The following TENT2 variants were observed in gnomAD, a reference collection of about 807,000 sequenced individuals.
The protein encoded by TENT2 is poly(A) RNA polymerase GLD2.
In TENT2, 44 loss-of-function variants were observed where a neutral mutation model predicts 72.2. The observed-to-expected ratio is 0.61, with a 90% confidence interval of 0.48 to 0.78. TENT2 has a LOEUF of 0.78. Among genes scored for constraint, TENT2 ranks in the 30% least tolerant of loss-of-function variants. The pLI, the probability that TENT2 is intolerant of heterozygous loss-of-function variation, is 0.00. For synonymous variants in TENT2, 212 were observed against 192.5 expected (o/e 1.10, Z -0.84); for missense variants, 541 against 569.6 (o/e 0.95, Z 0.51).
At chr5:79,646,242 C>T (rs942228470) in intron 8 of TENT2, among the ~76,000 whole-genome samples, 10 of 152,120 alleles carry the variant, frequency 6.6e-5, no homozygotes, top group Admixed American at 6.6e-4. Context: ...AGGTAGGCTT[C>T]GCTCAGGCAT....
At chr5:79,661,836 T>C (rs912072347) in intron 11 of TENT2, among the ~76,000 whole-genome samples, 2 of 152,184 alleles carry the variant, frequency 1.3e-5, no homozygotes, top group African/African-American at 4.8e-5. Context: ...AAAAGATTTC[T>C]CTATAGTGTA....
intron 11 of TENT2, among the ~76,000 whole-genome samples, chr5:79,662,740 A>C (rs1023105086): frequency 9.2e-5 from 14 of 152,148 alleles, no homozygotes; most frequent in Non-Finnish European, 1.6e-4. Context: ...TAAATTTAGC[A>C]TAATTCTTAA....
chr5:79,680,922 C>G (rs1009365280), intron 13 of TENT2, among the ~76,000 whole-genome samples: 1 of 151,880 alleles, frequency 6.6e-6, no homozygotes, highest in Non-Finnish European at 1.5e-5. Context: ...TCTTCAGTTT[C>G]CTCGTACTCT....
At chr5:79,614,381 G>C (rs1757854877) in intron 1 of TENT2, among the ~76,000 whole-genome samples, 1 of 152,106 alleles carries the variant, frequency 6.6e-6, no homozygotes, top group East Asian at 1.9e-4. Flanking sequence ...GGGATTACAG[G>C]CGTGAGCCAC....
At chr5:79,672,679 A>G (rs1228117726) in intron 12 of TENT2, among the ~76,000 whole-genome samples, 1 of 152,232 alleles carries the variant, frequency 6.6e-6, no homozygotes, top group African/African-American at 2.4e-5. Context: ...ATTGTGGATA[A>G]GTACCACCTA....
At chr5:79,653,360 G>T (rs1489900743) in intron 10 of TENT2, among the ~76,000 whole-genome samples, 1 of 151,940 alleles carries the variant, frequency 6.6e-6, no homozygotes, top group Non-Finnish European at 1.5e-5. Context: ...GGGCATGGTG[G>T]CACATATCGT....
intron 4 of TENT2, among the ~76,000 whole-genome samples, chr5:79,636,804 A>G (rs1158160589): frequency 6.6e-5 from 10 of 152,066 alleles, no homozygotes; most frequent in Admixed American, 3.9e-4. Context: ...AATCCTGCAC[A>G]TCTCTTGGTA....
chr5:79,613,155 C>G (rs1041912587), intron 1 of TENT2, 80 bp downstream of exon 1: 3 of 152,210 alleles, frequency 2.0e-5, no homozygotes, highest in Admixed American at 1.3e-4. Context: ...ATTGCTTCAG[C>G]TTTTCACTTT....
intron 4 of TENT2, among the ~76,000 whole-genome samples, chr5:79,623,897 T>G (rs986871734): frequency 3.3e-5 from 5 of 151,782 alleles, no homozygotes; most frequent in Admixed American, 3.3e-4. Flanking sequence ...AATCCAGGAG[T>G]CACTGAGAAA....
chr5:79,680,252 T>A (rs1212989621), intron 13 of TENT2, among the ~76,000 whole-genome samples: 2 of 152,176 alleles, frequency 1.3e-5, no homozygotes, highest in African/African-American at 4.8e-5. Context: ...GAATCAGCAT[T>A]TGTAGAAAAC....
In TENT2 at chr5:79,660,151, G is replaced by A. The variant is rs562159618; in HGVS notation, c.1071+3150G>A. Among the ~76,000 whole-genome samples the A allele has an allele frequency of 2.0e-5, 3 of 151,920 alleles. 1 individual carries two copies. The East Asian group carries it at 5.8e-4, about 29-fold the overall frequency. On this transcript the variant is annotated intron_variant, in intron 11 of 14. Transcript: ENST00000453514. ...AACATTTTAAATATTTTTAAAATTG[G>A]TATATTTCAGTTCAGTTGTGATATG...
chr5:79,656,241 A>ATTAAT (rs10528464), intron 10 of TENT2, among the ~76,000 whole-genome samples: 66,112 of 151,176 alleles, frequency 0.44, 17,530 homozygotes, highest in African/African-American at 0.74. Flanking sequence ...ATTACTGTTA[A>ATTAAT]TTAATGAGAT....
At chr5:79,681,630 GCTTT>G (rs1822024412) in intron 13 of TENT2, 1 of 163,626 alleles carries the variant, frequency 6.1e-6, no homozygotes, top group Non-Finnish European at 1.3e-5. Context: ...TCGATATAAT[GCTTT>G]CTTCTTTTTG....
chr5:79,620,386 A>G (rs943311226), intron 3 of TENT2, among the ~76,000 whole-genome samples: 23 of 152,060 alleles, frequency 1.5e-4, no homozygotes, highest in Admixed American at 2.6e-4. Context: ...CCACTTTTTA[A>G]TTGAGATTTT....
rs1449501653 is a variant in TENT2, at chr5:79,613,044, C to G, written c.-69C>G. The G allele has an allele frequency of 6.6e-6, 1 of 152,154 alleles. No individual in the cohort carries two copies. Among genetic ancestry groups the G allele is most frequent in the Non-Finnish European group, 1.5e-5 (1 of 68,042 alleles). The allele number at this position is 152,154 out of a possible 1,614,324, so 9.4% of individuals were successfully genotyped here. A position where few individuals can be genotyped will look rare whatever the true frequency, so the allele number is the denominator to read the frequency against. On this transcript the variant is annotated 5_prime_UTR_variant, in exon 1 of 15. Transcript: ENST00000453514. The stretch of plus-strand genomic sequence containing the variant: ...GAGGAAGATAGTCTTGGGACCCTTG[C>G]ATGGTGTTTCAAAGGGTGGTGAAGA...
rs567774360 is a variant in TENT2 at position 79,655,895 on chromosome 5, G to A, written c.1028-1063G>A. 4.6e-5 allele frequency among the ~76,000 whole-genome samples: 7 copies of A among 151,976 alleles called. No individual in the cohort carries two copies. In the South Asian group the frequency reaches 1.5e-3, roughly 32 times the overall value. On this transcript the variant is annotated intron_variant, in intron 10 of 14. Coordinates refer to ENST00000453514, the MANE Select transcript of TENT2 (RefSeq NM_001114394.3). ...AAAGCATCCTACTTTGTACTGCGTG[G>A]TAAAAATTTATACCCTTTTAATTAT... is the stretch of plus-strand genomic sequence containing the variant.
At chr5:79,645,339 G>T in intron 8 of TENT2, 147 bp downstream of exon 8, 1 of 674,438 alleles carries the variant, frequency 1.5e-6, no homozygotes, top group Non-Finnish European at 2.3e-6. Flanking sequence ...TGTTTGAAAT[G>T]GTTTTTTAAA....
intron 12 of TENT2, among the ~76,000 whole-genome samples, chr5:79,672,300 C>T (rs1182180643): frequency 1.3e-5 from 2 of 152,080 alleles, no homozygotes; most frequent in African/African-American, 2.4e-5. Flanking sequence ...AAGCATTTAT[C>T]GTTTGCATTA....
chr5:79,658,562 T>C (rs955091073), intron 11 of TENT2, among the ~76,000 whole-genome samples: 2 of 152,194 alleles, frequency 1.3e-5, no homozygotes, highest in Non-Finnish European at 2.9e-5. Flanking sequence ...TGAAAGGTCA[T>C]ATTTCATTTT....
Sources: allele counts gnomAD v4.1 joint callset (sites outside exome capture counted in the v4.1 genomes callset), GRCh38; gene constraint gnomAD v4.1.1; transcripts MANE v1.5; gene names NCBI Gene and HGNC (gene_info 2026-07-23, HGNC 2026-07-21).